The following MITF variants were observed in gnomAD, a reference collection of about 807,000 sequenced individuals.
MITF encodes melanocyte inducing transcription factor.
In MITF, 17 loss-of-function variants were observed where a neutral mutation model predicts 60.5. The ratio of observed to expected loss-of-function variants is 0.28; its 90% CI spans 0.19 to 0.42. The LOEUF (loss-of-function observed/expected upper bound fraction) is 0.42, where lower values mean the gene tolerates loss of function less well. MITF is among the 10% of genes least tolerant of loss of function. MITF has a pLI of 1.00. For missense variants in MITF, 622 were observed against 683.5 expected (o/e 0.91, Z 1.00); for synonymous variants, 260 against 248.5 (o/e 1.05, Z -0.43).
At chr3:69,920,196 CT>C (rs1464665048) in intron 2 of MITF, among the ~76,000 whole-genome samples, 9 of 152,220 alleles carry the variant, frequency 5.9e-5, no homozygotes, top group Non-Finnish European at 1.0e-4. Flanking sequence ...GCTCCTTGGT[CT>C]AGCGGTGATG....
chr3:69,765,899 C>T (rs1464923718), intron 1 of MITF, among the ~76,000 whole-genome samples: 3 of 152,100 alleles, frequency 2.0e-5, no homozygotes, highest in African/African-American at 7.2e-5. Context: ...GTATAGCTAT[C>T]TGGAAAATAT....
Position 69,959,324 on chromosome 3 carries a change from C to A in MITF, c.1083C>A (p.Ile361=), listed in dbSNP as rs2107537227. ...GTILKASVDY[I]RKLQREQQRA... is the part of the protein sequence containing the mutation. ...TCTTAAAAGCATCCGTGGACTATAT[C>A]CGAAAGTTGCAACGAGAACAGCAAC... The change falls in exon 9 of 10, where the codon ATC becomes ATA. Residue 361 remains isoleucine, a synonymous_variant. Coordinates refer to ENST00000352241, the MANE Select transcript of MITF (RefSeq NM_001354604.2). 1 of 1,614,042 alleles carries A rather than the reference C, an allele frequency of 6.2e-7. No homozygotes were observed. The highest frequency in any genetic ancestry group is 1.1e-5 in the South Asian group (1 of 91,080).
intron 5 of MITF, among the ~76,000 whole-genome samples, chr3:69,947,493 G>C (rs2066127490): frequency 6.6e-6 from 1 of 152,186 alleles, no homozygotes; most frequent in Admixed American, 6.5e-5. Context: ...AAACCACTTA[G>C]TGAAATGACA....
chr3:69,942,656 A>G (rs958132673), intron 5 of MITF, among the ~76,000 whole-genome samples: 4 of 152,078 alleles, frequency 2.6e-5, no homozygotes, highest in African/African-American at 9.7e-5. Flanking sequence ...GAAAGTTTCC[A>G]TGCCATACTC....
intron 2 of MITF, among the ~76,000 whole-genome samples, chr3:69,933,728 A>G (rs1373162281): frequency 6.6e-6 from 1 of 152,172 alleles, no homozygotes; most frequent in Non-Finnish European, 1.5e-5. Context: ...AACTTTTGCT[A>G]TCTGAATTTC....
chr3:69,778,187 T>G (rs2062505376), intron 1 of MITF, among the ~76,000 whole-genome samples: 1 of 151,982 alleles, frequency 6.6e-6, no homozygotes, highest in African/African-American at 2.4e-5. Flanking sequence ...CATGGGCAGG[T>G]GGTTAGAACA....
chr3:69,871,042 C>A (rs1012915286), intron 1 of MITF, among the ~76,000 whole-genome samples: 1 of 152,098 alleles, frequency 6.6e-6, no homozygotes, highest in Admixed American at 6.5e-5. Flanking sequence ...CAGGGTTAGT[C>A]CAGGGCTATC....
chr3:69,786,778 A>G (rs529933572), intron 1 of MITF, among the ~76,000 whole-genome samples: 101 of 152,318 alleles, frequency 6.6e-4, no homozygotes, highest in South Asian at 1.2e-3. Flanking sequence ...TTAGGGTTGG[A>G]GGAGCATATT....
At chr3:69,862,671 A>G (rs932108284) in intron 1 of MITF, among the ~76,000 whole-genome samples, 1 of 152,178 alleles carries the variant, frequency 6.6e-6, no homozygotes, top group African/African-American at 2.4e-5. Flanking sequence ...TTTCCTTCCA[A>G]AAAGATTCTG....
At chr3:69,751,715 A>G (rs1419269222) in intron 1 of MITF, among the ~76,000 whole-genome samples, 4 of 152,080 alleles carry the variant, frequency 2.6e-5, no homozygotes, top group South Asian at 4.2e-4. Context: ...TACTGGCTAT[A>G]TATGTGTCTT....
chr3:69,914,811 T>C (rs999965718), intron 2 of MITF, among the ~76,000 whole-genome samples: 3 of 152,142 alleles, frequency 2.0e-5, no homozygotes, highest in African/African-American at 7.2e-5. Flanking sequence ...ATGACCTCAT[T>C]TTGTCTGACT....
At chr3:69,963,600 T>A (rs1466280130) in intron 9 of MITF, among the ~76,000 whole-genome samples, 1 of 152,216 alleles carries the variant, frequency 6.6e-6, no homozygotes, top group Middle Eastern at 3.2e-3. Context: ...TGTGTGTGTC[T>A]GTTGGGCACT....
At chr3:69,828,235 G>A (rs910572130) in intron 1 of MITF, among the ~76,000 whole-genome samples, 1 of 152,060 alleles carries the variant, frequency 6.6e-6, no homozygotes, top group African/African-American at 2.4e-5. Context: ...GAGATTTCAG[G>A]ATTATGTGTA....
Position 69,784,675 on chromosome 3 carries a change from C to G in MITF, c.104+44974C>G, listed in dbSNP as rs1405932900. On this transcript the variant is annotated intron_variant, in intron 1 of 9. Coordinates refer to ENST00000352241, the MANE Select transcript of MITF (RefSeq NM_001354604.2). ...CTGAACTAGCCAGCTAGTCTCCACTCTAATCCATGGTAGATAACTAGTTGG... is the reference window on the plus strand; with the variant it reads ...CTGAACTAGCCAGCTAGTCTCCACTGTAATCCATGGTAGATAACTAGTTGG... 2.6e-5 allele frequency among the ~76,000 whole-genome samples: 4 copies of G among 152,132 alleles called. No individual in the cohort carries two copies. In the South Asian group the frequency reaches 6.2e-4, roughly 24 times the overall value.
At chr3:69,840,755 CT>C (rs200258297) in intron 1 of MITF, among the ~76,000 whole-genome samples, 3,342 of 138,408 alleles carry the variant, frequency 0.024, 33 homozygotes, top group Middle Eastern at 0.056. Flanking sequence ...GTTTTTTTCT[CT>C]TTTTTTTTTT....
chr3:69,892,001 C>G (rs2064770565), intron 2 of MITF, among the ~76,000 whole-genome samples: 1 of 152,160 alleles, frequency 6.6e-6, no homozygotes, highest in Non-Finnish European at 1.5e-5. Flanking sequence ...AGCACTGGGC[C>G]TTTCCAGGAA....
At chr3:69,882,674 T>G (rs1048375039) in intron 2 of MITF, among the ~76,000 whole-genome samples, 1 of 152,202 alleles carries the variant, frequency 6.6e-6, no homozygotes, top group African/African-American at 2.4e-5. Context: ...TGTAGCTTTT[T>G]TCAAACAAAA....
chr3:69,840,836 C>T (rs1017544441), intron 1 of MITF, among the ~76,000 whole-genome samples: 14 of 151,746 alleles, frequency 9.2e-5, no homozygotes, highest in African/African-American at 3.4e-4. Context: ...TCACTGCAAC[C>T]TCTCTGCCTT....
At chr3:69,832,801 TTGTC>T (rs1394831331) in intron 1 of MITF, among the ~76,000 whole-genome samples, 11 of 152,248 alleles carry the variant, frequency 7.2e-5, no homozygotes, top group Admixed American at 7.2e-4. Flanking sequence ...TGTATATAGT[TTGTC>T]TGGTTACACT....
Sources: gnomAD v4.1 joint callset for allele counts (sites outside exome capture counted in the v4.1 genomes callset) on GRCh38, gnomAD v4.1.1 for gene constraint, MANE v1.5 for transcripts, NCBI Gene and HGNC (gene_info 2026-07-23, HGNC 2026-07-21) for gene names.